Variants in CDH18 observed in about 807,000 individuals in gnomAD.
The protein encoded by CDH18 is cadherin 18.
Under a neutral mutation model 67.9 loss-of-function variants are expected in CDH18, and 31 were observed. The observed-to-expected ratio is 0.46, with a 90% CI of 0.34 to 0.62. CDH18 has a LOEUF of 0.62. CDH18 is among the 20% of genes least tolerant of loss of function. The pLI is 0.01. For synonymous variants in CDH18, 362 were observed against 347.2 expected (o/e 1.04, Z -0.48); for missense variants, 890 against 975.5 (o/e 0.91, Z 1.17).
intron 5 of CDH18, among the ~76,000 whole-genome samples, chr5:19,699,646 G>GTC (rs1490974867): frequency 1.1e-4 from 17 of 151,304 alleles, no homozygotes; most frequent in African/African-American, 3.9e-4. Context: ...GTGTGTCTGT[G>GTC]TGTGTGTGTG....
chr5:20,407,139 A>G (rs1333851470), intron 1 of CDH18, among the ~76,000 whole-genome samples: 1 of 152,226 alleles, frequency 6.6e-6, no homozygotes, highest in East Asian at 1.9e-4. Flanking sequence ...AAACTGGCAC[A>G]GACACTTGCC....
intron 2 of CDH18, among the ~76,000 whole-genome samples, chr5:20,063,672 G>A (rs1041348571): frequency 5.9e-5 from 9 of 152,062 alleles, no homozygotes; most frequent in African/African-American, 1.9e-4. Flanking sequence ...AATCATATTG[G>A]TTAATCTGAG....
intron 1 of CDH18, among the ~76,000 whole-genome samples, chr5:20,280,059 CA>C (rs1334144527): frequency 6.6e-6 from 1 of 151,856 alleles, no homozygotes; most frequent in African/African-American, 2.4e-5. Context: ...AAATAAAAAG[CA>C]AAAGGAATTT....
At chr5:19,679,953 T>C (rs753225652) in intron 5 of CDH18, among the ~76,000 whole-genome samples, 1 of 152,018 alleles carries the variant, frequency 6.6e-6, no homozygotes, top group African/African-American at 2.4e-5. Flanking sequence ...TTAAAATTCA[T>C]ATGGAGCCAA....
At chr5:20,046,654 CTG>C (rs1039487202) in intron 2 of CDH18, among the ~76,000 whole-genome samples, 28 of 147,772 alleles carry the variant, frequency 1.9e-4, no homozygotes, top group African/African-American at 6.9e-4. Flanking sequence ...TTTTATATGT[CTG>C]TGTGAATATG....
chr5:19,710,503 TA>T (rs1764571983), intron 5 of CDH18, among the ~76,000 whole-genome samples: 2 of 152,178 alleles, frequency 1.3e-5, no homozygotes, highest in African/African-American at 4.8e-5. Flanking sequence ...TGTAAACTTG[TA>T]AACTGAGAAT....
chr5:20,028,984 G>A (rs1204393794), intron 2 of CDH18, among the ~76,000 whole-genome samples: 1 of 152,132 alleles, frequency 6.6e-6, no homozygotes, highest in Non-Finnish European at 1.5e-5. Context: ...TCAATATAAA[G>A]TGGGAAAGTT....
chr5:19,888,562 G>T (rs1292705024), intron 2 of CDH18, among the ~76,000 whole-genome samples: 3 of 151,082 alleles, frequency 2.0e-5, no homozygotes, highest in African/African-American at 7.3e-5. Flanking sequence ...TTCTAATTTG[G>T]GGCTGGTCTA....
chr5:19,757,100 G>A (rs978363508), intron 3 of CDH18, among the ~76,000 whole-genome samples: 7 of 152,190 alleles, frequency 4.6e-5, no homozygotes, highest in African/African-American at 1.7e-4. Context: ...ATGAGGATAA[G>A]CCCACTGCCA....
intron 2 of CDH18, among the ~76,000 whole-genome samples, chr5:20,170,062 G>A (rs997095260): frequency 6.6e-6 from 1 of 151,290 alleles, no homozygotes; most frequent in African/African-American, 2.4e-5. Flanking sequence ...TGTGCAGAAC[G>A]TGCAGGTTTG....
At chr5:20,325,160 T>C (rs1024549095) in intron 1 of CDH18, among the ~76,000 whole-genome samples, 1 of 152,224 alleles carries the variant, frequency 6.6e-6, no homozygotes, top group African/African-American at 2.4e-5. Flanking sequence ...TAGTTACTAA[T>C]AGTTTTCTTC....
chr5:19,957,855 C>T (rs1467357710), intron 2 of CDH18, among the ~76,000 whole-genome samples: 8 of 151,718 alleles, frequency 5.3e-5, no homozygotes, highest in African/African-American at 1.9e-4. Context: ...TATGTTTTTA[C>T]TAAACAGCTA....
chr5:19,925,150 C>A (rs1310629649), intron 2 of CDH18, among the ~76,000 whole-genome samples: 1 of 152,158 alleles, frequency 6.6e-6, no homozygotes, highest in African/African-American at 2.4e-5. Flanking sequence ...AGGTACAGTA[C>A]TTTCCTGCAT....
chr5:20,560,535 A>C (rs946050047), intron 1 of CDH18, among the ~76,000 whole-genome samples: 10 of 151,164 alleles, frequency 6.6e-5, no homozygotes, highest in Non-Finnish European at 8.9e-5. Context: ...AAATCCATTA[A>C]GACTCAAAGG....
intron 1 of CDH18, among the ~76,000 whole-genome samples, chr5:20,465,397 C>T (rs1751567816): frequency 6.6e-6 from 1 of 151,862 alleles, no homozygotes; most frequent in Non-Finnish European, 1.5e-5. Context: ...CTTTTCCTTC[C>T]AGAAGACTAA....
chr5:20,019,357 A>G (rs1264371688), intron 2 of CDH18, among the ~76,000 whole-genome samples: 1 of 152,174 alleles, frequency 6.6e-6, no homozygotes, highest in Non-Finnish European at 1.5e-5. Flanking sequence ...GGTAACACAG[A>G]GTCATTATAA....
intron 6 of CDH18, among the ~76,000 whole-genome samples, chr5:19,609,732 T>C (rs1269065717): frequency 1.3e-5 from 2 of 152,014 alleles, no homozygotes; most frequent in Admixed American, 6.6e-5. Flanking sequence ...GTAAGAAATA[T>C]AACTGTCTCA....
At chr5:19,891,625 C>T (rs1035765348) in intron 2 of CDH18, among the ~76,000 whole-genome samples, 1 of 152,080 alleles carries the variant, frequency 6.6e-6, no homozygotes, top group Non-Finnish European at 1.5e-5. Context: ...CCTCAAACAA[C>T]ATTAACTGGA....
At chr5:19,770,521 A>G (rs563147268) in intron 3 of CDH18, among the ~76,000 whole-genome samples, 10 of 152,304 alleles carry the variant, frequency 6.6e-5, no homozygotes, top group Non-Finnish European at 1.0e-4. Context: ...TTTAACAGAA[A>G]CAAAGAGATT....
Sources: gnomAD v4.1 joint callset for allele counts (sites outside exome capture counted in the v4.1 genomes callset) on GRCh38, gnomAD v4.1.1 for gene constraint, MANE v1.5 for transcripts, NCBI Gene and HGNC (gene_info 2026-07-23, HGNC 2026-07-21) for gene names.